KRT81: variants seen among roughly 807,000 people sequenced by gnomAD.
KRT81 encodes keratin, type II cuticular Hb1.
In KRT81, 35 loss-of-function variants were observed where a neutral mutation model predicts 35.8. The observed-to-expected ratio is 0.98, with a 90% CI of 0.75 to 1.30. The LOEUF (loss-of-function observed/expected upper bound fraction) is 1.30, where lower values mean the gene tolerates loss of function less well. KRT81 is among the 50% of genes most tolerant of loss of function. KRT81 has a pLI of 0.00. For synonymous variants in KRT81, 249 were observed against 251.2 expected (o/e 0.99, Z 0.08); for missense variants, 531 against 577.4 (o/e 0.92, Z 0.82).
At chr12:52,288,298 C>T (rs1354476580) in intron 4 of KRT81, 63 bp downstream of exon 4, 116 of 1,610,136 alleles carry the variant, frequency 7.2e-5, no homozygotes, top group Non-Finnish European at 9.3e-5. Flanking sequence ...CTGTCCAACA[C>T]TCCCACCCCC....
chr12:52,287,403 C>T (rs1937982418), intron 6 of KRT81, 81 bp from the exon 7 acceptor site: 1 of 1,586,180 alleles, frequency 6.3e-7, no homozygotes, highest in Admixed American at 1.8e-5. Context: ...ACACTCCCCA[C>T]CAAGCTGGGA....
Position 52,286,318 on chromosome 12 carries a change from C to T in KRT81, c.1455G>A (p.Val485=), listed in dbSNP as rs763593309. ...CCAGGGAGCTGATACCACAGGAGCC[C>T]ACGCCGCAGGAACCCCCTCCGCAGG... ...NTTCGGGSCG[V]GSCGISSLGV... Residue 485 remains valine, a synonymous_variant, in exon 9 of 9, where the codon GTG becomes GTA. Transcript: ENST00000327741. 2.6e-6 allele frequency: 4 copies of T among 1,554,502 alleles called. No individual in the cohort carries two copies. Among genetic ancestry groups the T allele is most frequent in the Non-Finnish European group, 3.5e-6 (4 of 1,148,560 alleles).
chr12:52,288,301 C>T (rs1938026294), intron 4 of KRT81, 60 bp downstream of exon 4: 1 of 1,610,608 alleles, frequency 6.2e-7, no homozygotes, highest in Non-Finnish European at 8.5e-7. Flanking sequence ...TCCAACACTC[C>T]CACCCCCAAC....
intron 3 of KRT81, among the ~76,000 whole-genome samples, chr12:52,288,659 C>G (rs1432890370): frequency 1.3e-5 from 2 of 152,084 alleles, no homozygotes; most frequent in Non-Finnish European, 1.5e-5. Flanking sequence ...CTTGACCATG[C>G]CTCACCAGCC....
chr12:52,288,946 G>T (rs1287065627), intron 3 of KRT81, among the ~76,000 whole-genome samples: 1 of 143,866 alleles, frequency 7.0e-6, no homozygotes, highest in Non-Finnish European at 1.5e-5. Context: ...CTCAGCAATA[G>T]ACCACAACCT....
chr12:52,287,374 T>A, intron 6 of KRT81, 52 bp from the exon 7 acceptor site: 1 of 1,606,990 alleles, frequency 6.2e-7, no homozygotes. Flanking sequence ...GTCTCTCTGA[T>A]GCTCATCCAA....
At position 52,291,392 on chromosome 12, in the gene KRT81, C is replaced by A. The variant is rs1330372556; in HGVS notation, c.74G>T (p.Cys25Phe). The A allele has an allele frequency of 3.1e-6, 5 of 1,608,578 alleles. No individual in the cohort carries two copies. The African/African-American group carries it at 6.7e-5, about 21-fold the overall frequency. ...ACGGTAGGGGGCGGCGGTGATGCAG[C>A]AGCGGCCGGGCCGCGGCCCGCAGGC... is the stretch of plus-strand genomic sequence containing the variant. Reference protein sequence around the residue: ...ISACGPRPGRCCITAAPYRGI... With the variant: ...ISACGPRPGRFCITAAPYRGI... The change falls in exon 1 of 9, where the codon TGC becomes TTC. Residue 25 changes from cysteine to phenylalanine, a missense_variant. Cys to Phe is a radical substitution (Grantham distance 205, BLOSUM62 -2). Around this residue, in one of 5 missense-constraint regions of KRT81, gnomAD observed 133 missense variants for 125.9 expected, o/e 1.06. Transcript: ENST00000327741.
chr12:52,286,405 C>T lies in KRT81; in HGVS notation c.1368G>A (p.Pro456=), dbSNP rs940615568. Residue 456 remains proline, a synonymous_variant, in exon 9 of 9, where the codon CCG becomes CCA. Coordinates refer to ENST00000327741, the MANE Select transcript of KRT81 (RefSeq NM_002281.4). The part of the protein sequence containing the change: ...RPVTGSVCSA[P]CNGNVAVSTG... ...TGCTCACCGCCACGTTCCCGTTGCACGGAGCGCTGCAGACACTGCCAGTCA... is the reference window on the plus strand; with the variant it reads ...TGCTCACCGCCACGTTCCCGTTGCATGGAGCGCTGCAGACACTGCCAGTCA... 22 of 1,554,400 alleles carry T rather than the reference C, an allele frequency of 1.4e-5. No individual in the cohort carries two copies. The African/African-American group carries it at 1.8e-4, about 13-fold the overall frequency.
chr12:52,288,382 G>A lies in KRT81; in HGVS notation c.714C>T (p.Phe238=). 1 of 1,614,132 alleles carries A rather than the reference G, an allele frequency of 6.2e-7. No individual in the cohort carries two copies. Among genetic ancestry groups the A allele is most frequent in the Non-Finnish European group, 8.5e-7 (1 of 1,180,016 alleles). The part of the protein sequence containing the change: ...NVEALIQEID[F]LRRLYEEEIL... ...GCACCTCCTCATACAGCCGCCTCAG[G>A]AAGTCGATCTCCTGGATCAGGGCCT... The change falls in exon 4 of 9, where the codon TTC becomes TTT. Residue 238 remains phenylalanine, a synonymous_variant. Transcript: ENST00000327741.
chr12:52,286,651 G>A, intron 8 of KRT81, 140 bp downstream of exon 8: 4 of 1,179,008 alleles, frequency 3.4e-6, no homozygotes, highest in Admixed American at 2.0e-5. Flanking sequence ...GGGTCTTTTG[G>A]ATGTCTGACC....
chr12:52,287,011 A>G (rs1276769848), intron 7 of KRT81, 91 bp downstream of exon 7: 29 of 1,606,026 alleles, frequency 1.8e-5, no homozygotes, highest in Non-Finnish European at 2.4e-5. Context: ...TTTTTCCCCC[A>G]GAGCCCTGGC....
In KRT81 at chr12:52,286,340, CA is replaced by C. The variant is rs1231533810; in HGVS notation, c.1432del (p.Cys478AlafsTer95). ...CAPCGQLNTT[C>X]GGGSCGVGSC... ...GCCCACGCCGCAGGAACCCCCTCCG[CA>C]GGTGGTGTTCAATTGGCCGCAGGGC... On this transcript the variant is annotated frameshift_variant, in exon 9 of 9. Transcript: ENST00000327741. LOFTEE classifies it low-confidence loss of function (END_TRUNC). 1.3e-6 allele frequency: 2 copies of C among 1,555,036 alleles called. No homozygotes were observed. Among genetic ancestry groups the C allele is most frequent in the Non-Finnish European group, 1.7e-6 (2 of 1,148,858 alleles).
Position 52,286,251 on chromosome 12 carries a change from G to T in KRT81, c.*4C>A. On this transcript the variant is annotated 3_prime_UTR_variant, in exon 9 of 9. Coordinates refer to ENST00000327741, the MANE Select transcript of KRT81 (RefSeq NM_002281.4). ...CCTGGGGCCTGGGACTTGAGTTGGG[G>T]TGCCTAACATTTCCGGCAGCTGCTG... is the stretch of plus-strand genomic sequence containing the variant. 6.4e-7 allele frequency: 1 copy of T among 1,552,870 alleles called. No homozygotes were observed. Among genetic ancestry groups the T allele is most frequent in the Non-Finnish European group, 8.7e-7 (1 of 1,147,344 alleles).
At chr12:52,291,059 G>A in intron 1 of KRT81, 38 bp downstream of exon 1, 1 of 515,004 alleles carries the variant, frequency 1.9e-6, no homozygotes. Context: ...CTGTGTAGGT[G>A]GTGGGGGTTC....
At chr12:52,288,696 C>T (rs1485087267) in intron 3 of KRT81, among the ~76,000 whole-genome samples, 1 of 152,062 alleles carries the variant, frequency 6.6e-6, no homozygotes, top group Non-Finnish European at 1.5e-5. Context: ...CCTCCTGTCT[C>T]TCCCTTCTCT....
rs773652481 is a variant in KRT81, at chr12:52,286,494, C to G, written c.1280-1G>C. On this transcript the variant is annotated splice_acceptor_variant, in intron 8 of 8. Coordinates refer to ENST00000327741, the MANE Select transcript of KRT81 (RefSeq NM_002281.4). LOFTEE classifies it high-confidence loss of function. ...ACCCCGCCCCGGGAGCTGCTGACACCTGTGAACCCCGAAGGCTGAGTCAAA... is the reference window on the plus strand; with the variant it reads ...ACCCCGCCCCGGGAGCTGCTGACACGTGTGAACCCCGAAGGCTGAGTCAAA... 1.3e-6 allele frequency: 2 copies of G among 1,552,052 alleles called. No homozygotes were observed. Among genetic ancestry groups the G allele is most frequent in the Admixed American group, 1.9e-5 (1 of 51,300 alleles).
At chr12:52,288,784 G>A (rs918411519) in intron 3 of KRT81, among the ~76,000 whole-genome samples, 1 of 151,786 alleles carries the variant, frequency 6.6e-6, no homozygotes, top group Non-Finnish European at 1.5e-5. Context: ...CCCCACAAGT[G>A]CTCCAAGAGC....
At position 52,287,235 on chromosome 12, in the gene KRT81, C is replaced by A; in HGVS notation, c.1114G>T (p.Glu372Ter). ...TGCTTGGCCTTCTGCAGGGCGCCCT[C>A]CAGCTCGGCCAGCTTGCAGCGGGCA... is the stretch of plus-strand genomic sequence containing the variant. Reference protein sequence around the residue: ...SDARCKLAELEGALQKAKQDM... With the variant: ...SDARCKLAEL Residue 372 changes from glutamate (E) to a stop codon, truncating the protein, a stop_gained, in exon 7 of 9, where the codon GAG becomes TAG. Coordinates refer to ENST00000327741, the MANE Select transcript of KRT81 (RefSeq NM_002281.4). LOFTEE classifies it high-confidence loss of function. 1 of 1,614,036 alleles carries A rather than the reference C, an allele frequency of 6.2e-7. No individual in the cohort carries two copies. Among genetic ancestry groups the A allele is most frequent in the South Asian group, 1.1e-5 (1 of 91,068 alleles).
intron 5 of KRT81, 90 bp downstream of exon 5, chr12:52,287,894 C>A (rs1470171086): frequency 3.1e-6 from 5 of 1,609,176 alleles, no homozygotes; most frequent in African/African-American, 1.3e-5. Context: ...CCCTAGGGAC[C>A]AGCATCCCCA....
Sources: gnomAD v4.1 joint callset for allele counts (sites outside exome capture counted in the v4.1 genomes callset) on GRCh38, gnomAD v4.1.1 for gene constraint, gnomAD v4.1.1 regional missense constraint, MANE v1.5 for transcripts, NCBI Gene and HGNC (gene_info 2026-07-23, HGNC 2026-07-21) for gene names.